Variants in BAZ2B observed in about 807,000 individuals in gnomAD.
BAZ2B encodes bromodomain adjacent to zinc finger domain protein 2B.
In BAZ2B, 91 loss-of-function variants were observed where a neutral mutation model predicts 246.0. That is an observed-to-expected ratio of 0.37 (90% CI 0.31 to 0.44). The LOEUF (loss-of-function observed/expected upper bound fraction) is 0.44, where lower values mean the gene tolerates loss of function less well. Among genes scored for constraint, BAZ2B ranks in the 20% least tolerant of loss-of-function variants. The pLI is 1.00. For missense variants in BAZ2B, 2,332 were observed against 2,533.7 expected, an observed-to-expected ratio of 0.92 and a Z score of 1.71; for synonymous variants, 855 against 860.0, an observed-to-expected ratio of 0.99 and a Z score of 0.10.
rs1358576582 is a variant in BAZ2B at position 159,616,368 on chromosome 2, A to G, written c.-172T>C. 1 of 152,220 alleles carries G rather than the reference A, an allele frequency of 6.6e-6. No individual in the cohort carries two copies. The highest frequency in any genetic ancestry group is 1.9e-4 in the East Asian group (1 of 5,194). 9.4% of individuals were successfully genotyped at this position (152,220 alleles called of 1,614,324 possible). On this transcript the variant is annotated 5_prime_UTR_variant, in exon 1 of 37. Transcript: ENST00000392783. ...ATTATTATTTCTGCAAGAAAAGTAT[A>G]AAGAGAGTTGTAGTGGAGGTGAGAT...
chr2:159,458,164 C>A (rs552459163), intron 3 of BAZ2B, among the ~76,000 whole-genome samples: 1 of 151,060 alleles, frequency 6.6e-6, no homozygotes, highest in East Asian at 2.0e-4. Flanking sequence ...TGTGCCACTA[C>A]GTCCAGCTAA....
the BAZ2B span, among the ~76,000 whole-genome samples, chr2:159,685,198 CAAATA>C: frequency 6.6e-6 from 1 of 152,024 alleles, no homozygotes; most frequent in Non-Finnish European, 1.5e-5. Flanking sequence ...GAAAAAGCTA[CAAATA>C]AAATATAGAA....
chr2:159,337,129 C>T (rs759245581), intron 32 of BAZ2B, 52 bp from the exon 33 acceptor site: 40 of 1,549,930 alleles, frequency 2.6e-5, no homozygotes, highest in South Asian at 1.0e-4. Flanking sequence ...CTTACGATTA[C>T]GGAATGTGAA....
At chr2:159,571,116 A>AGG (rs1683910271) in intron 1 of BAZ2B, among the ~76,000 whole-genome samples, 1 of 152,178 alleles carries the variant, frequency 6.6e-6, no homozygotes, top group Non-Finnish European at 1.5e-5. Flanking sequence ...GGCCTACCAA[A>AGG]GTGCTGGGAT....
chr2:159,688,116 T>G, the BAZ2B span, among the ~76,000 whole-genome samples: 1 of 152,224 alleles, frequency 6.6e-6, no homozygotes, highest in Non-Finnish European at 1.5e-5. Context: ...CCTAGTTCAT[T>G]GCCACCTTGA....
intron 2 of BAZ2B, among the ~76,000 whole-genome samples, chr2:159,548,262 T>C (rs537890576): frequency 1.2e-4 from 19 of 152,322 alleles, no homozygotes; most frequent in African/African-American, 4.3e-4. Flanking sequence ...TGGAAATTCT[T>C]AAAAAGATTT....
the BAZ2B span, among the ~76,000 whole-genome samples, chr2:159,630,536 CTCTT>C: frequency 9.5e-6 from 1 of 105,284 alleles, no homozygotes; most frequent in East Asian, 4.0e-4. Flanking sequence ...GTATTCTTCT[CTCTT>C]TTTTTTTTTT....
In BAZ2B at chr2:159,400,535, A is replaced by G. The variant is rs969883588; in HGVS notation, c.2898+64T>C. The G allele has an allele frequency of 5.9e-6, 6 of 1,012,764 alleles. No individual in the cohort carries two copies. The African/African-American group carries it at 8.3e-5, about 14-fold the overall frequency. The allele number at this position is 1,012,764 out of a possible 1,614,324, so 62.7% of individuals were successfully genotyped here. On this transcript the variant is annotated intron_variant, in intron 17 of 36. Coordinates refer to ENST00000392783, the MANE Select transcript of BAZ2B (RefSeq NM_013450.4). ...GAGAAAACATGCACGCAAAATATTT[A>G]TTTTTGCAGACTTAAAAATATATGG...
At chr2:159,449,424 T>C (rs1376672183) in intron 4 of BAZ2B, among the ~76,000 whole-genome samples, 1 of 152,118 alleles carries the variant, frequency 6.6e-6, no homozygotes, top group Non-Finnish European at 1.5e-5. Context: ...AACAATACAG[T>C]ATGGGAGAAA....
chr2:159,588,057 G>A (rs1003688504), intron 1 of BAZ2B, among the ~76,000 whole-genome samples: 6 of 151,822 alleles, frequency 4.0e-5, no homozygotes, highest in Admixed American at 1.3e-4. Flanking sequence ...GGCCGAACAC[G>A]GTGGCATGTG....
chr2:159,325,997 G>C (rs2063663561), intron 34 of BAZ2B, 79 bp from the exon 35 acceptor site: 1 of 1,212,918 alleles, frequency 8.2e-7, no homozygotes, highest in African/African-American at 1.6e-5. Context: ...ATGAAAGTCT[G>C]ACAGGACAAA....
chr2:159,429,236 G>A lies in BAZ2B; in HGVS notation c.2219C>T (p.Thr740Ile). Residue 740 changes from threonine (T) to isoleucine (I), a missense_variant, in exon 11 of 37, where the codon ACA (threonine) becomes ATA (isoleucine). This residue lies in a region of BAZ2B where 651 missense variants were observed against 650.9 expected (regional missense o/e 1.00). Coordinates refer to ENST00000392783, the MANE Select transcript of BAZ2B (RefSeq NM_013450.4). ...HSGTSKRRRV[T>I]DERELRIPLE... ...TGGAATACGCAGTTCACGTTCATCT[G>A]TTACTCTTCTTCTTTTGGAAGTGCC... 6.4e-7 allele frequency: 1 copy of A among 1,551,548 alleles called. No homozygotes were observed. Among genetic ancestry groups the A allele is most frequent in the Non-Finnish European group, 8.7e-7 (1 of 1,143,114 alleles).
intron 2 of BAZ2B, among the ~76,000 whole-genome samples, chr2:159,546,685 T>C (rs978816122): frequency 1.3e-5 from 2 of 151,682 alleles, no homozygotes; most frequent in Admixed American, 1.3e-4. Context: ...TAGTAACTGG[T>C]TGTAAGGTAG....
intron 2 of BAZ2B, among the ~76,000 whole-genome samples, chr2:159,504,495 T>C (rs529459746): frequency 2.0e-5 from 3 of 152,304 alleles, no homozygotes; most frequent in African/African-American, 7.2e-5. Context: ...CATAGCACTC[T>C]GTCCAGATTG....
chr2:159,443,429 G>T (rs900044927), intron 6 of BAZ2B, among the ~76,000 whole-genome samples: 1 of 152,026 alleles, frequency 6.6e-6, no homozygotes, highest in African/African-American at 2.4e-5. Flanking sequence ...TCCCATGGGA[G>T]GTATCAAAAT....
the BAZ2B span, among the ~76,000 whole-genome samples, chr2:159,664,064 C>A: frequency 1.7e-5 from 1 of 59,102 alleles, no homozygotes; most frequent in African/African-American, 6.4e-5. Flanking sequence ...GTGTGATATT[C>A]CCCTTCCTGT....
At chr2:159,646,210 C>T in the BAZ2B span, among the ~76,000 whole-genome samples, 1 of 152,144 alleles carries the variant, frequency 6.6e-6, no homozygotes, top group Non-Finnish European at 1.5e-5. Context: ...CAGGGATGTT[C>T]CTTGCTGAGA....
At chr2:159,351,491 A>G (rs2058559301) in intron 27 of BAZ2B, among the ~76,000 whole-genome samples, 1 of 152,198 alleles carries the variant, frequency 6.6e-6, no homozygotes, top group African/African-American at 2.4e-5. Flanking sequence ...CTAAAAAAAA[A>G]ACTAAGATGT....
chr2:159,692,570 T>G, the BAZ2B span, among the ~76,000 whole-genome samples: 7 of 152,088 alleles, frequency 4.6e-5, no homozygotes, highest in Non-Finnish European at 7.4e-5. Context: ...GTCTGCAGAA[T>G]CTGGGCATGG....
Sources: allele counts gnomAD v4.1 joint callset (sites outside exome capture counted in the v4.1 genomes callset), GRCh38; gene constraint gnomAD v4.1.1; regional missense constraint gnomAD v4.1.1; transcripts MANE v1.5; gene names NCBI Gene and HGNC (gene_info 2026-07-23, HGNC 2026-07-21).